The following ADGRV1 variants were observed in gnomAD, a reference collection of about 807,000 sequenced individuals.
ADGRV1 encodes the protein adhesion G protein-coupled receptor V1, also known as G-protein coupled receptor 98.
ADGRV1 carries 359 observed loss-of-function variants against 596.2 expected under a neutral mutation model. The ratio of observed to expected loss-of-function variants is 0.60; its 90% CI spans 0.55 to 0.66. ADGRV1 has a LOEUF of 0.66. ADGRV1 is among the 30% of genes least tolerant of loss of function. The pLI, the probability that ADGRV1 is intolerant of heterozygous loss-of-function variation, is 0.00. For synonymous variants in ADGRV1, 2,681 were observed against 2,679.2 expected (o/e 1.00, Z -0.02); for missense variants, 7,274 against 7,575.6 (o/e 0.96, Z 1.48).
intron 82 of ADGRV1, among the ~76,000 whole-genome samples, chr5:90,861,198 A>G (rs1767517417): frequency 6.6e-6 from 1 of 152,198 alleles, no homozygotes; most frequent in Non-Finnish European, 1.5e-5. Context: ...TTTTATCTAC[A>G]TCATTGCCAA....
At chr5:90,647,834 G>A in intron 17 of ADGRV1, 70 bp downstream of exon 17, 1 of 1,363,126 alleles carries the variant, frequency 7.3e-7, no homozygotes, top group Non-Finnish European at 1.0e-6. Context: ...AAGCACTGCA[G>A]TCCAATAATG....
chr5:90,691,896 A>G (rs972543672), intron 31 of ADGRV1, among the ~76,000 whole-genome samples: 4 of 152,212 alleles, frequency 2.6e-5, no homozygotes, highest in African/African-American at 7.2e-5. Context: ...GGTAGCAAAT[A>G]TAAGTACAGT....
intron 29 of ADGRV1, among the ~76,000 whole-genome samples, chr5:90,688,393 T>C (rs1745985728): frequency 6.6e-6 from 1 of 152,234 alleles, no homozygotes; most frequent in South Asian, 2.1e-4. Context: ...AGTCTTGCTC[T>C]GTCACCCAGG....
In ADGRV1 at chr5:90,711,188, G is replaced by A. The variant is rs1223283679; in HGVS notation, c.8908G>A (p.Glu2970Lys). 1 of 1,609,884 alleles carries A rather than the reference G, an allele frequency of 6.2e-7. No homozygotes were observed. Among genetic ancestry groups the A allele is most frequent in the Admixed American group, 1.7e-5 (1 of 59,464 alleles). Residue 2970 changes from glutamate to lysine, a missense_variant, in exon 41 of 90, where the codon GAA (glutamate) becomes AAA (lysine). Around this residue, in one of 5 missense-constraint regions of ADGRV1, gnomAD observed 3,643 missense variants for 3,809.2 expected, o/e 0.96. Transcript: ENST00000405460. ...TGTTTTTTTGCTATATTATAGGTTTGAAGTAAATGAAACCCATGGAAGTTT... is the reference window on the plus strand; with the variant it reads ...TGTTTTTTTGCTATATTATAGGTTTAAAGTAAATGAAACCCATGGAAGTTT... ...GVIEWQQSRF[E>K]VNETHGSLTL...
chr5:90,806,211 G>A (rs1761887727), intron 72 of ADGRV1, among the ~76,000 whole-genome samples: 3 of 152,146 alleles, frequency 2.0e-5, no homozygotes, highest in Admixed American at 1.3e-4. Flanking sequence ...ATGAGGGCTA[G>A]GCCAGTGAAA....
chr5:90,570,017 G>C (rs1364403190), intron 1 of ADGRV1, among the ~76,000 whole-genome samples: 1 of 152,056 alleles, frequency 6.6e-6, no homozygotes, highest in African/African-American at 2.4e-5. Flanking sequence ...ATATTTATCT[G>C]TCATGTGACC....
chr5:90,569,085 C>T (rs1309844940), intron 1 of ADGRV1, among the ~76,000 whole-genome samples: 1 of 151,998 alleles, frequency 6.6e-6, no homozygotes, highest in East Asian at 1.9e-4. Flanking sequence ...AGAGGGCAAA[C>T]AAGCATGTGA....
intron 83 of ADGRV1, among the ~76,000 whole-genome samples, chr5:90,924,007 C>T (rs1774158531): frequency 6.6e-6 from 1 of 151,718 alleles, no homozygotes; most frequent in Non-Finnish European, 1.5e-5. Flanking sequence ...ATATGTGCCA[C>T]ATTTTCTTAA....
chr5:90,912,483 C>T (rs1275284159), intron 83 of ADGRV1, among the ~76,000 whole-genome samples: 2 of 152,028 alleles, frequency 1.3e-5, no homozygotes, highest in Admixed American at 6.6e-5. Flanking sequence ...ATCTTGTCAC[C>T]CAGGTAGTAA....
intron 83 of ADGRV1, among the ~76,000 whole-genome samples, chr5:90,909,360 TTCTCC>T: frequency 6.6e-6 from 1 of 152,262 alleles, no homozygotes; most frequent in Middle Eastern, 3.4e-3. Flanking sequence ...CCTGTTTGAT[TTCTCC>T]TCTACCTTTC....
intron 1 of ADGRV1, among the ~76,000 whole-genome samples, chr5:90,562,296 G>A (rs1754931282): frequency 6.6e-6 from 1 of 152,044 alleles, no homozygotes; most frequent in Admixed American, 6.5e-5. Flanking sequence ...TCCTCACATC[G>A]TATGCCTAAT....
At chr5:90,938,149 G>A (rs1296010253) in intron 83 of ADGRV1, among the ~76,000 whole-genome samples, 3 of 151,878 alleles carry the variant, frequency 2.0e-5, no homozygotes, top group Non-Finnish European at 2.9e-5. Flanking sequence ...TGAACTCATT[G>A]TGCATCTTGA....
intron 85 of ADGRV1, among the ~76,000 whole-genome samples, chr5:91,050,028 G>A (rs1416558466): frequency 2.0e-5 from 3 of 152,166 alleles, no homozygotes; most frequent in African/African-American, 7.2e-5. Context: ...AATTCCAGAT[G>A]TCCTCCTCCA....
In ADGRV1 at chr5:90,725,536, T is replaced by A. The variant is rs140816947; in HGVS notation, c.10054-13T>A. ...CTCTCCTTTAAGTTTTCATTCCCAC[T>A]CTGTCCTTGCAGGTACAAACAATCA... On this transcript the variant is annotated splice_polypyrimidine_tract_variant and intron_variant, in intron 47 of 89. Transcript: ENST00000405460. The A allele has an allele frequency of 3.6e-4, 481 of 1,344,732 alleles. 2 individuals are homozygous for A. Among genetic ancestry groups the A allele is most frequent in the South Asian group, 1.3e-3 (112 of 84,490 alleles). The allele number at this position is 1,344,732 out of a possible 1,614,324, so 83.3% of individuals were successfully genotyped here. A position where few individuals can be genotyped will look rare whatever the true frequency, so the allele number is the denominator to read the frequency against.
Position 90,645,955 on chromosome 5 carries a change from A to T in ADGRV1, c.2899-13A>T, listed in dbSNP as rs1224031727. ...TAAGTCACCTGACTTAAAACGTGTAACATTTTCCAAAGATTCCAGAAGAAA... is the reference window on the plus strand; with the variant it reads ...TAAGTCACCTGACTTAAAACGTGTATCATTTTCCAAAGATTCCAGAAGAAA... On this transcript the variant is annotated splice_polypyrimidine_tract_variant and intron_variant, in intron 15 of 89. Coordinates refer to ENST00000405460, the MANE Select transcript of ADGRV1 (RefSeq NM_032119.4). 1 of 1,578,932 alleles carries T rather than the reference A, an allele frequency of 6.3e-7. No homozygotes were observed.
intron 45 of ADGRV1, among the ~76,000 whole-genome samples, chr5:90,721,576 T>TATCAA (rs1554094715): frequency 8.3e-6 from 1 of 119,914 alleles, no homozygotes; most frequent in African/African-American, 3.3e-5. Context: ...TAAAATAAAA[T>TATCAA]AAAATAAAAT....
chr5:90,976,302 G>A (rs1367534156), intron 84 of ADGRV1, among the ~76,000 whole-genome samples: 3,150 of 89,576 alleles, frequency 0.035, 83 homozygotes, highest in East Asian at 0.089. Flanking sequence ...GTGTATATGT[G>A]TGTGTGTGTG....
Position 90,823,562 on chromosome 5 carries a change from A to C in ADGRV1, c.16334A>C (p.Lys5445Thr). 1 of 1,614,006 alleles carries C rather than the reference A, an allele frequency of 6.2e-7. No individual in the cohort carries two copies. Among genetic ancestry groups the C allele is most frequent in the East Asian group, 2.2e-5 (1 of 44,874 alleles). The change falls in exon 76 of 90, where the codon AAA becomes ACA. Residue 5445 changes from lysine to threonine, a missense_variant. Lys to Thr is a moderately conservative substitution (Grantham distance 78, BLOSUM62 -1). Coordinates refer to ENST00000405460, the MANE Select transcript of ADGRV1 (RefSeq NM_032119.4). ...GTTTCTMGQT[K>T]CFISIELKPE... ...ACAACCTGTACAATGGGTCAAACAA[A>C]ATGCTTTATCAGCATTGAACTCAAA...
chr5:90,666,204 G>C (rs1320021354), intron 21 of ADGRV1, among the ~76,000 whole-genome samples: 1 of 151,304 alleles, frequency 6.6e-6, no homozygotes, highest in Admixed American at 6.6e-5. Context: ...GTCTAATGTT[G>C]ACAGTGGGGT....
Sources: allele counts gnomAD v4.1 joint callset (sites outside exome capture counted in the v4.1 genomes callset), GRCh38; gene constraint gnomAD v4.1.1; regional missense constraint gnomAD v4.1.1; transcripts MANE v1.5; gene names NCBI Gene and HGNC (gene_info 2026-07-23, HGNC 2026-07-21).